The following MRPS31 variants were observed in gnomAD, a reference collection of about 807,000 sequenced individuals.
MRPS31 encodes small ribosomal subunit protein mS31.
A neutral mutation model predicts 43.1 loss-of-function variants in MRPS31; 32 were observed. The observed-to-expected ratio is 0.74, with a 90% confidence interval of 0.56 to 1.00. The LOEUF (loss-of-function observed/expected upper bound fraction) is 1.00, where lower values mean the gene tolerates loss of function less well. Ranked by LOEUF, MRPS31 falls within the 50% of genes least tolerant of loss-of-function variation. The probability of loss-of-function intolerance (pLI) is 0.00; values close to 1 mark genes in which losing one functional copy is unlikely to be tolerated. For missense variants in MRPS31, 437 were observed against 466.7 expected, an observed-to-expected ratio of 0.94 and a Z score of 0.59; for synonymous variants, 165 against 161.6, an observed-to-expected ratio of 1.02 and a Z score of -0.16.
intron 2 of MRPS31, among the ~76,000 whole-genome samples, chr13:40,762,387 C>T (rs1880722718): frequency 6.6e-6 from 1 of 151,974 alleles, no homozygotes; most frequent in South Asian, 2.1e-4. Context: ...AATCTTTGCT[C>T]AAATGTTACC....
At chr13:40,770,229 T>G (rs772077750) in intron 1 of MRPS31, among the ~76,000 whole-genome samples, 2 of 152,238 alleles carry the variant, frequency 1.3e-5, no homozygotes, top group Non-Finnish European at 2.9e-5. Flanking sequence ...CCATCTTCAC[T>G]GCTACTAACC....
chr13:40,769,373 CATATATATATAT>C (rs201190639), intron 1 of MRPS31, among the ~76,000 whole-genome samples: 12,781 of 64,922 alleles, frequency 0.2, 1,249 homozygotes, highest in Non-Finnish European at 0.24. Flanking sequence ...AGACTCTGTC[CATATATATATAT>C]ATATATATAT....
chr13:40,767,179 C>T (rs1230915561), intron 1 of MRPS31, 146 bp from the exon 2 acceptor site: 20 of 657,596 alleles, frequency 3.0e-5, no homozygotes, highest in East Asian at 1.2e-4. Context: ...TTTTTTGAGA[C>T]GGAGTTTCGC....
chr13:40,755,126 T>A (rs1018537070), intron 4 of MRPS31, among the ~76,000 whole-genome samples: 4 of 152,262 alleles, frequency 2.6e-5, no homozygotes, highest in African/African-American at 7.2e-5. Flanking sequence ...TTCTCTCTAC[T>A]AAATAGAAAT....
chr13:40,740,941 A>G (rs566251138), intron 6 of MRPS31, among the ~76,000 whole-genome samples: 1 of 127,518 alleles, frequency 7.8e-6, no homozygotes, highest in East Asian at 3.1e-4. Flanking sequence ...TATAATAAAA[A>G]AAAATTAAAA....
chr13:40,756,976 A>G lies in MRPS31; in HGVS notation c.637T>C (p.Ser213Pro). 1.2e-6 allele frequency: 2 copies of G among 1,612,956 alleles called. No homozygotes were observed. The highest frequency in any genetic ancestry group is 2.7e-5 in the African/African-American group (2 of 75,006). The change falls in exon 4 of 7, where the codon TCT becomes CCT. Residue 213 changes from serine (S) to proline (P), a missense_variant. Ser to Pro is a moderately conservative substitution (Grantham distance 74, BLOSUM62 -1). Coordinates refer to ENST00000323563, the MANE Select transcript of MRPS31 (RefSeq NM_005830.4). ...CTTGAACGAACTCTAGCTGTAGCAG[A>G]TCTGGCAACTTTCATATCTGATATT... ...NIISDMKVAR[S>P]ATARVRSRPE...
chr13:40,730,379 G>C (rs1879644686), intron 6 of MRPS31, among the ~76,000 whole-genome samples: 1 of 151,642 alleles, frequency 6.6e-6, no homozygotes, highest in African/African-American at 2.4e-5. Context: ...AAAAAAATTA[G>C]CCAGGCGTGA....
In MRPS31 at chr13:40,741,376, A is replaced by T. The variant is rs759188634; in HGVS notation, c.958+7762T>A. Among the ~76,000 whole-genome samples the T allele has an allele frequency of 2.5e-3, 374 of 152,334 alleles. 4 individuals carry two copies. Among genetic ancestry groups the T allele is most frequent in the Non-Finnish European group, 2.2e-3 (148 of 68,030 alleles). ...TGTAAGAGTTTAAGAATGAAAGTGC[A>T]TAATATATTGAGTTCCTACAAACAC... On this transcript the variant is annotated intron_variant, in intron 6 of 6. Transcript: ENST00000323563.
chr13:40,732,748 A>T (rs9577129), intron 6 of MRPS31, among the ~76,000 whole-genome samples: 1 of 150,000 alleles, frequency 6.7e-6, no homozygotes, highest in Non-Finnish European at 1.5e-5. Context: ...TTAAAAGAAG[A>T]AAAAAAAAAC....
In MRPS31 at chr13:40,742,708, A is replaced by G. The variant is rs143362608; in HGVS notation, c.958+6430T>C. On this transcript the variant is annotated intron_variant, in intron 6 of 6. Transcript: ENST00000323563. ...ATTTCAGATACCCTAGAGGACACAT[A>G]AGAAGTGAAAAAGTTTAAACCAACT... Among the ~76,000 whole-genome samples the G allele has an allele frequency of 1.2e-4, 19 of 152,330 alleles. No individual in the cohort carries two copies. In the East Asian group the frequency reaches 3.7e-3, roughly 29 times the overall value.
intron 6 of MRPS31, among the ~76,000 whole-genome samples, chr13:40,736,093 G>A (rs1879896007): frequency 6.8e-6 from 1 of 147,282 alleles, no homozygotes. Flanking sequence ...TAAAGGAGCT[G>A]ATGGAGCTGA....
chr13:40,741,438 G>A (rs1311634102), intron 6 of MRPS31, among the ~76,000 whole-genome samples: 2 of 152,130 alleles, frequency 1.3e-5, no homozygotes, highest in African/African-American at 4.8e-5. Context: ...GTCAAAGGAT[G>A]TAAAAACCTA....
chr13:40,737,382 A>G (rs544857552), intron 6 of MRPS31, among the ~76,000 whole-genome samples: 1 of 152,120 alleles, frequency 6.6e-6, no homozygotes, highest in Non-Finnish European at 1.5e-5. Flanking sequence ...AATGAGACAG[A>G]AAGTCAACAA....
intron 2 of MRPS31, 143 bp downstream of exon 2, chr13:40,766,603 T>C: frequency 1.1e-6 from 1 of 881,082 alleles, no homozygotes; most frequent in Non-Finnish European, 1.7e-6. Context: ...CCTCGAGTAA[T>C]TATTAGAGTC....
intron 6 of MRPS31, among the ~76,000 whole-genome samples, chr13:40,735,865 G>T (rs1405934779): frequency 1.3e-4 from 18 of 143,582 alleles, no homozygotes; most frequent in African/African-American, 4.0e-4. Context: ...ACTCTAAAAA[G>T]CAGAGCGCCT....
chr13:40,768,259 T>C (rs1328540375), intron 1 of MRPS31, among the ~76,000 whole-genome samples: 1 of 152,222 alleles, frequency 6.6e-6, no homozygotes, highest in East Asian at 1.9e-4. Flanking sequence ...GGCACTATAC[T>C]AGGTACTGAC....
intron 6 of MRPS31, among the ~76,000 whole-genome samples, chr13:40,732,994 G>GTTTT (rs1159862645): frequency 5.9e-5 from 5 of 84,536 alleles, no homozygotes; most frequent in Non-Finnish European, 6.2e-5. Flanking sequence ...AATGCATTTG[G>GTTTT]TTTTTTTTTT....
Position 40,770,964 on chromosome 13 carries a change from CG to C in MRPS31, c.152+20del. On this transcript the variant is annotated intron_variant, in intron 1 of 6. Transcript: ENST00000323563. ...GTCGGAGGATGTACAGGACGGGGCA[CG>C]GGGTTGCCTGAGGACCTACCGGGCC... 6.2e-7 allele frequency: 1 copy of C among 1,613,940 alleles called. No individual in the cohort carries two copies. The highest frequency in any genetic ancestry group is 8.5e-7 in the Non-Finnish European group (1 of 1,179,948).
chr13:40,742,939 A>T (rs554051092), intron 6 of MRPS31, among the ~76,000 whole-genome samples: 21 of 152,306 alleles, frequency 1.4e-4, no homozygotes, highest in African/African-American at 4.6e-4. Flanking sequence ...GAAATCTCAA[A>T]CTATAAAAAC....
Sources: gnomAD v4.1 joint callset for allele counts (sites outside exome capture counted in the v4.1 genomes callset) on GRCh38, gnomAD v4.1.1 for gene constraint, MANE v1.5 for transcripts, NCBI Gene and HGNC (gene_info 2026-07-23, HGNC 2026-07-21) for gene names.